Variants in GRIK2 observed in about 807,000 individuals in gnomAD.
The protein encoded by GRIK2 is glutamate ionotropic receptor kainate type subunit 2, also known as glutamate receptor ionotropic, kainate 2.
Under a neutral mutation model 100.3 loss-of-function variants are expected in GRIK2, and 32 were observed. The observed-to-expected ratio is 0.32, with a 90% confidence interval of 0.24 to 0.43. The LOEUF (loss-of-function observed/expected upper bound fraction) is 0.43. Ranked by LOEUF, GRIK2 falls within the 20% of genes least tolerant of loss-of-function variation. The pLI is 1.00. For synonymous variants in GRIK2, 417 were observed against 389.4 expected, an observed-to-expected ratio of 1.07 and a Z score of -0.83; for missense variants, 843 against 1,114.9, an observed-to-expected ratio of 0.76 and a Z score of 3.47.
At chr6:101,601,115 G>C (rs1352712160) in intron 2 of GRIK2, among the ~76,000 whole-genome samples, 2 of 103,636 alleles carry the variant, frequency 1.9e-5, no homozygotes, top group Admixed American at 2.1e-4. Context: ...TGCCTAGTTT[G>C]TTGAGTTTTT....
intron 7 of GRIK2, among the ~76,000 whole-genome samples, chr6:101,742,084 A>T (rs1776065916): frequency 6.6e-6 from 1 of 152,258 alleles, no homozygotes; most frequent in Non-Finnish European, 1.5e-5. Context: ...ATAAGCTATC[A>T]TACAATTCTG....
At chr6:101,991,728 AAG>A (rs2128492362) in intron 14 of GRIK2, among the ~76,000 whole-genome samples, 1 of 151,630 alleles carries the variant, frequency 6.6e-6, no homozygotes, top group African/African-American at 2.4e-5. Context: ...AGTAAGAAAA[AAG>A]AAAATATTGC....
intron 2 of GRIK2, among the ~76,000 whole-genome samples, chr6:101,598,395 A>T (rs1405946357): frequency 6.6e-6 from 1 of 151,626 alleles, no homozygotes; most frequent in East Asian, 1.9e-4. Flanking sequence ...TTATTGGTGC[A>T]AGTCTTCCTC....
intron 14 of GRIK2, among the ~76,000 whole-genome samples, chr6:101,995,726 G>A (rs1451034228): frequency 6.6e-6 from 1 of 151,870 alleles, no homozygotes; most frequent in Non-Finnish European, 1.5e-5. Context: ...GTGCATTTAT[G>A]TGTGTGAATG....
chr6:101,520,731 T>G (rs1187983605), intron 2 of GRIK2, among the ~76,000 whole-genome samples: 3 of 152,050 alleles, frequency 2.0e-5, no homozygotes, highest in Non-Finnish European at 4.4e-5. Flanking sequence ...TGACATAGAT[T>G]TAGTAGAACA....
At chr6:102,052,367 A>G (rs1771244708) in intron 15 of GRIK2, among the ~76,000 whole-genome samples, 1 of 152,158 alleles carries the variant, frequency 6.6e-6, no homozygotes, top group Admixed American at 6.5e-5. Flanking sequence ...AACTTTGTAC[A>G]TTTGATTCAA....
At chr6:101,569,937 A>G (rs1009121423) in intron 2 of GRIK2, among the ~76,000 whole-genome samples, 5 of 152,146 alleles carry the variant, frequency 3.3e-5, no homozygotes, top group Admixed American at 2.0e-4. Context: ...TAACACAAAC[A>G]TTTCTTATTG....
At chr6:101,578,548 A>C (rs1777895450) in intron 2 of GRIK2, among the ~76,000 whole-genome samples, 1 of 152,092 alleles carries the variant, frequency 6.6e-6, no homozygotes, top group African/African-American at 2.4e-5. Flanking sequence ...GATGTTAACT[A>C]TCTGGTTGTG....
rs1275011297 is a variant in GRIK2 at position 101,878,082 on chromosome 6, A to G, written c.1525-11558A>G. Among the ~76,000 whole-genome samples, 21 of 102,584 alleles carry G rather than the reference A, an allele frequency of 2.0e-4. No individual in the cohort carries two copies. In the East Asian group the frequency reaches 5.5e-3, roughly 27 times the overall value. The allele number at this position is 102,584 out of a possible 152,430, so 67.3% of individuals were successfully genotyped here. On this transcript the variant is annotated intron_variant, in intron 11 of 16. Coordinates refer to ENST00000369134, the MANE Select transcript of GRIK2 (RefSeq NM_021956.5). ...AGAATCGTGCCAGGTATATTATATTATATTATATTATATTATATTATATTA... is the reference window on the plus strand; with the variant it reads ...AGAATCGTGCCAGGTATATTATATTGTATTATATTATATTATATTATATTA...
At chr6:101,713,411 T>C (rs899558712) in intron 7 of GRIK2, among the ~76,000 whole-genome samples, 2 of 151,824 alleles carry the variant, frequency 1.3e-5, no homozygotes, top group Non-Finnish European at 2.9e-5. Context: ...CTGAAAGTCA[T>C]TATTTGTTTA....
At chr6:101,817,321 T>G (rs1340056355) in intron 9 of GRIK2, among the ~76,000 whole-genome samples, 2 of 152,210 alleles carry the variant, frequency 1.3e-5, no homozygotes, top group Non-Finnish European at 2.9e-5. Context: ...AAATAATACC[T>G]GCTAAATCAA....
intron 7 of GRIK2, among the ~76,000 whole-genome samples, chr6:101,789,300 G>C (rs1479895490): frequency 1.3e-5 from 2 of 152,150 alleles, no homozygotes; most frequent in Non-Finnish European, 2.9e-5. Context: ...GTCCTGAATG[G>C]CAATGCCTAG....
chr6:101,720,042 T>C (rs1184624234), intron 7 of GRIK2, among the ~76,000 whole-genome samples: 1 of 151,968 alleles, frequency 6.6e-6, no homozygotes, highest in East Asian at 1.9e-4. Flanking sequence ...GAAAAAAAGA[T>C]ACTTATTTTT....
At chr6:101,955,111 T>C (rs959118812) in intron 14 of GRIK2, among the ~76,000 whole-genome samples, 1 of 152,192 alleles carries the variant, frequency 6.6e-6, no homozygotes, top group African/African-American at 2.4e-5. Flanking sequence ...TGGTATTTTG[T>C]TGATACATTT....
intron 4 of GRIK2, among the ~76,000 whole-genome samples, chr6:101,669,339 G>A (rs1770258506): frequency 6.6e-6 from 1 of 152,056 alleles, no homozygotes; most frequent in Admixed American, 6.6e-5. Flanking sequence ...CACATTTTCA[G>A]CAAAATTAAT....
chr6:101,812,487 G>C (rs1781393254), intron 9 of GRIK2, among the ~76,000 whole-genome samples: 1 of 151,422 alleles, frequency 6.6e-6, no homozygotes. Context: ...ATTTATTTCT[G>C]TTCAATAAAT....
At chr6:101,870,557 G>A (rs543099482) in intron 11 of GRIK2, among the ~76,000 whole-genome samples, 13 of 151,900 alleles carry the variant, frequency 8.6e-5, no homozygotes, top group African/African-American at 2.4e-4. Context: ...TGCTTTACAC[G>A]TAGTCAAGAT....
intron 3 of GRIK2, among the ~76,000 whole-genome samples, chr6:101,625,384 T>TAATAAATA (rs139402781): frequency 0.034 from 5,056 of 147,556 alleles, 139 homozygotes; most frequent in Admixed American, 0.066. Context: ...ACAAAATAAA[T>TAATAAATA]AATAAATAAA....
At chr6:101,613,934 G>A (rs1036000446) in intron 2 of GRIK2, among the ~76,000 whole-genome samples, 1 of 151,652 alleles carries the variant, frequency 6.6e-6, no homozygotes, top group Admixed American at 6.6e-5. Flanking sequence ...TCAATAAAAA[G>A]ATATGATTAA....
Sources: allele counts gnomAD v4.1 joint callset (sites outside exome capture counted in the v4.1 genomes callset), GRCh38; gene constraint gnomAD v4.1.1; transcripts MANE v1.5; gene names NCBI Gene and HGNC (gene_info 2026-07-23, HGNC 2026-07-21).